The following MYO9A variants were observed in gnomAD, a reference collection of about 807,000 sequenced individuals.
MYO9A encodes the protein unconventional myosin-IXa.
Under a neutral mutation model 293.3 loss-of-function variants are expected in MYO9A, and 103 were observed. The observed-to-expected ratio is 0.35, with a 90% CI of 0.30 to 0.41. MYO9A has a LOEUF of 0.41. MYO9A is among the 10% of genes least tolerant of loss of function. MYO9A has a pLI of 1.00. For missense variants in MYO9A, 2,685 were observed against 3,033.0 expected, an observed-to-expected ratio of 0.89 and a Z score of 2.69; for synonymous variants, 1,001 against 1,035.7, an observed-to-expected ratio of 0.97 and a Z score of 0.64.
intron 32 of MYO9A, among the ~76,000 whole-genome samples, chr15:71,872,135 T>C (rs1180122854): frequency 1.3e-5 from 2 of 152,138 alleles, no homozygotes; most frequent in African/African-American, 4.8e-5. Flanking sequence ...TTAATCCTGA[T>C]TGACACCATT....
intron 7 of MYO9A, among the ~76,000 whole-genome samples, chr15:72,008,155 A>G (rs2077067340): frequency 6.6e-6 from 1 of 152,158 alleles, no homozygotes; most frequent in Non-Finnish European, 1.5e-5. Flanking sequence ...CATGGCCTTA[A>G]GTATACCACT....
At chr15:72,084,336 T>C (rs1261019814) in intron 1 of MYO9A, among the ~76,000 whole-genome samples, 1 of 152,214 alleles carries the variant, frequency 6.6e-6, no homozygotes, top group Admixed American at 6.5e-5. Flanking sequence ...TTCCATTTAT[T>C]TGCTTGGTAA....
chr15:72,026,969 A>G (rs1173027464), intron 4 of MYO9A, among the ~76,000 whole-genome samples: 1 of 152,240 alleles, frequency 6.6e-6, no homozygotes, highest in Admixed American at 6.5e-5. Context: ...CACACAAATA[A>G]AAGTCAGAAC....
intron 19 of MYO9A, among the ~76,000 whole-genome samples, chr15:71,905,887 T>C (rs1402412265): frequency 1.3e-5 from 2 of 152,064 alleles, no homozygotes; most frequent in Admixed American, 6.5e-5. Context: ...ATTATTTACT[T>C]TTCTCTGCTT....
chr15:71,963,343 C>T (rs931681259), intron 13 of MYO9A, among the ~76,000 whole-genome samples: 1 of 152,198 alleles, frequency 6.6e-6, no homozygotes, highest in East Asian at 1.9e-4. Flanking sequence ...CCTCGGCCTC[C>T]CAAAGTGCTG....
rs190498510 is a variant in MYO9A at position 71,933,875 on chromosome 15, A to C, written c.2523-166T>G. 2.0e-5 allele frequency among the ~76,000 whole-genome samples: 3 copies of C among 152,282 alleles called. No individual in the cohort carries two copies. In the East Asian group the frequency reaches 5.8e-4, roughly 29 times the overall value. On this transcript the variant is annotated intron_variant, in intron 17 of 41. Coordinates refer to ENST00000356056, the MANE Select transcript of MYO9A (RefSeq NM_006901.4). ...AAAACACTATCTGATTCAGCCAAGC[A>C]GGCACCTTGGGAAGGAAGAATAAAC...
Position 71,830,366 on chromosome 15 carries a change from A to G in MYO9A, c.6838-55T>C, listed in dbSNP as rs528452444. 5.6e-5 allele frequency: 86 copies of G among 1,523,346 alleles called. No homozygotes were observed. In the African/African-American group the frequency reaches 1.1e-3, roughly 19 times the overall value. The allele number at this position is 1,523,346 out of a possible 1,614,324, so 94.4% of individuals were successfully genotyped here. A position where few individuals can be genotyped will look rare whatever the true frequency, so the allele number is the denominator to read the frequency against. ...AATTGAGTGACTGCATCAGTTTTAC[A>G]TTGCTCTTTTAGGATAACAAGTGTA... On this transcript the variant is annotated intron_variant, in intron 39 of 41. Coordinates refer to ENST00000356056, the MANE Select transcript of MYO9A (RefSeq NM_006901.4).
At chr15:72,116,342 C>T (rs1210753012) in intron 1 of MYO9A, among the ~76,000 whole-genome samples, 3 of 152,000 alleles carry the variant, frequency 2.0e-5, no homozygotes, top group Admixed American at 1.3e-4. Context: ...ATCTTTATAC[C>T]AATATTAAAA....
chr15:71,925,904 G>C (rs2058301013), intron 18 of MYO9A, among the ~76,000 whole-genome samples: 1 of 152,150 alleles, frequency 6.6e-6, no homozygotes. Flanking sequence ...CTACCAGTGA[G>C]TTTTATTCTT....
intron 28 of MYO9A, among the ~76,000 whole-genome samples, chr15:71,880,887 A>G (rs1003659768): frequency 6.6e-6 from 1 of 152,242 alleles, no homozygotes; most frequent in African/African-American, 2.4e-5. Flanking sequence ...CCCAAAGAAA[A>G]GAAGAGAATA....
intron 14 of MYO9A, among the ~76,000 whole-genome samples, chr15:71,955,569 A>G (rs2059157903): frequency 6.6e-6 from 1 of 152,224 alleles, no homozygotes; most frequent in South Asian, 2.1e-4. Flanking sequence ...GTTACATGGT[A>G]GGAGTATATC....
intron 2 of MYO9A, 65 bp from the exon 3 acceptor site, chr15:72,032,653 T>A: frequency 1.0e-6 from 1 of 1,003,228 alleles, no homozygotes; most frequent in Non-Finnish European, 1.4e-6. Context: ...GGAGGGGGGA[T>A]TAGGTCAGCT....
chr15:71,923,753 C>T (rs1470271530), intron 18 of MYO9A, among the ~76,000 whole-genome samples: 2 of 152,064 alleles, frequency 1.3e-5, no homozygotes, highest in East Asian at 1.9e-4. Flanking sequence ...AAAATTTTGT[C>T]TAGCTAGAAA....
At chr15:71,928,049 TATA>T (rs1567282326) in intron 18 of MYO9A, among the ~76,000 whole-genome samples, 8 of 11,436 alleles carry the variant, frequency 7.0e-4, no homozygotes, top group Admixed American at 1.7e-3. Context: ...TATATATATA[TATA>T]TATATTTTTT....
At chr15:72,004,513 C>A (rs944193039) in intron 8 of MYO9A, among the ~76,000 whole-genome samples, 9 of 152,062 alleles carry the variant, frequency 5.9e-5, no homozygotes, top group African/African-American at 2.2e-4. Flanking sequence ...GCCAAGATTG[C>A]ACCACTGCAC....
intron 1 of MYO9A, among the ~76,000 whole-genome samples, chr15:72,052,882 C>A (rs535213888): frequency 1.1e-4 from 16 of 152,278 alleles, no homozygotes; most frequent in Admixed American, 9.8e-4. Context: ...ACACAGCCTG[C>A]CATTCAGAGT....
At chr15:71,859,535 AAATC>A (rs1232321021) in intron 34 of MYO9A, among the ~76,000 whole-genome samples, 196 bp downstream of exon 34, 1 of 152,204 alleles carries the variant, frequency 6.6e-6, no homozygotes, top group Admixed American at 6.5e-5. Context: ...AATTCTATGA[AAATC>A]AATTCATTTT....
In MYO9A at chr15:71,883,613, T is replaced by TG. The variant is rs1225689036; in HGVS notation, c.5378dup (p.Ala1794SerfsTer7). The TG allele has an allele frequency of 1.2e-6, 2 of 1,612,794 alleles. No individual in the cohort carries two copies. Among genetic ancestry groups the TG allele is most frequent in the Non-Finnish European group, 1.7e-6 (2 of 1,179,624 alleles). ...TTTTACCATCTGGAAACTGATGAGC[T>TG]GGAATCACATCTGTGCCTGCAAAGA... On this transcript the variant is annotated frameshift_variant, in exon 28 of 42. Transcript: ENST00000356056. LOFTEE classifies it high-confidence loss of function.
intron 8 of MYO9A, 111 bp from the exon 9 acceptor site, chr15:72,000,051 T>C (rs886562900): frequency 1.4e-5 from 11 of 765,950 alleles, no homozygotes; most frequent in Admixed American, 6.6e-5. Context: ...AGCAATTACA[T>C]AGCAGAGAAA....
Sources: gnomAD v4.1 joint callset for allele counts (sites outside exome capture counted in the v4.1 genomes callset) on GRCh38, gnomAD v4.1.1 for gene constraint, MANE v1.5 for transcripts, NCBI Gene and HGNC (gene_info 2026-07-23, HGNC 2026-07-21) for gene names.